The following C1orf21 variants were observed in gnomAD, a reference collection of about 807,000 sequenced individuals.
C1orf21 encodes the protein chromosome 1 open reading frame 21, also known as uncharacterized protein C1orf21.
C1orf21 carries 3 observed loss-of-function variants against 18.7 expected under a neutral mutation model. The observed-to-expected ratio is 0.16, with a 90% CI of 0.07 to 0.42. C1orf21 has a LOEUF of 0.42. Ranked by LOEUF, C1orf21 falls within the 10% of genes least tolerant of loss-of-function variation. The pLI, the probability that C1orf21 is intolerant of heterozygous loss-of-function variation, is 0.99. For synonymous variants in C1orf21, 41 were observed against 46.4 expected (o/e 0.88, Z 0.47); for missense variants, 104 against 143.6 (o/e 0.72, Z 1.41).
rs1313880082 is a variant in C1orf21 at position 184,598,733 on chromosome 1, G to A, written c.327+272G>A. ...AATAAGCAGTCTTTTTTTCTAGACC[G>A]AGCATTCTGACCACTGCATGTCATT... On this transcript the variant is annotated intron_variant, in intron 5 of 5. Coordinates refer to ENST00000235307, the MANE Select transcript of C1orf21 (RefSeq NM_030806.4). 3.3e-5 allele frequency among the ~76,000 whole-genome samples: 5 copies of A among 152,134 alleles called. No homozygotes were observed. In the East Asian group the frequency reaches 7.7e-4, roughly 24 times the overall value.
chr1:184,438,145 A>G (rs1040859579), intron 1 of C1orf21, among the ~76,000 whole-genome samples: 1 of 151,966 alleles, frequency 6.6e-6, no homozygotes, highest in Admixed American at 6.6e-5. Flanking sequence ...TCCTAGTGAA[A>G]GAAAAAAAAA....
chr1:184,555,574 T>C (rs1212444199), intron 3 of C1orf21, among the ~76,000 whole-genome samples: 1 of 151,924 alleles, frequency 6.6e-6, no homozygotes, highest in Non-Finnish European at 1.5e-5. Flanking sequence ...GTCACACACA[T>C]ATGCACAAAC....
At chr1:184,419,215 C>T (rs564202291) in intron 1 of C1orf21, among the ~76,000 whole-genome samples, 34 of 152,272 alleles carry the variant, frequency 2.2e-4, no homozygotes, top group African/African-American at 7.5e-4. Context: ...TCCTCTGTAA[C>T]ATTTGGATAA....
chr1:184,420,635 T>G (rs187360212), intron 1 of C1orf21, among the ~76,000 whole-genome samples: 143 of 152,306 alleles, frequency 9.4e-4, no homozygotes, highest in Non-Finnish European at 1.7e-3. Context: ...TCTCTCTACT[T>G]TACCTCTGCT....
At chr1:184,612,421 C>CA (rs776159042) in intron 5 of C1orf21, among the ~76,000 whole-genome samples, 67 of 152,160 alleles carry the variant, frequency 4.4e-4, no homozygotes, top group Non-Finnish European at 8.2e-4. Context: ...AAGCAAAAGA[C>CA]AGAGTTTAAG....
chr1:184,591,039 A>T (rs1286230942), intron 4 of C1orf21, among the ~76,000 whole-genome samples: 1 of 152,174 alleles, frequency 6.6e-6, no homozygotes, highest in African/African-American at 2.4e-5. Context: ...TAATCTAGAG[A>T]TGATTTAGAG....
intron 1 of C1orf21, among the ~76,000 whole-genome samples, chr1:184,436,560 C>T (rs1656861782): frequency 6.6e-6 from 1 of 151,956 alleles, no homozygotes; most frequent in Non-Finnish European, 1.5e-5. Context: ...CAACATGCTT[C>T]CCTAAAGGAG....
intron 3 of C1orf21, among the ~76,000 whole-genome samples, chr1:184,547,649 C>G (rs1658745002): frequency 6.6e-6 from 1 of 152,018 alleles, no homozygotes; most frequent in African/African-American, 2.4e-5. Flanking sequence ...AGAGTAAAGC[C>G]AAATGTGTTT....
chr1:184,484,966 C>A (rs1158710755), intron 2 of C1orf21, among the ~76,000 whole-genome samples: 1 of 150,856 alleles, frequency 6.6e-6, no homozygotes, highest in Admixed American at 6.6e-5. Flanking sequence ...TGCTGTGAGA[C>A]CTATTTCACA....
intron 1 of C1orf21, among the ~76,000 whole-genome samples, chr1:184,468,407 A>G (rs867341949): frequency 8.5e-5 from 13 of 152,256 alleles, no homozygotes; most frequent in Middle Eastern, 6.8e-3. Flanking sequence ...AGGAGGGGGA[A>G]AAAAGGAGGA....
rs1235356880 is a variant in C1orf21 at position 184,477,399 on chromosome 1, GACCA to G, written c.-108_-105del. ...CTTTTCTTGCAGGTGCACACATCTT[GACCA>G]ACTCAGCAGCAAGGTGGATTTTCTT... On this transcript the variant is annotated 5_prime_UTR_variant, in exon 2 of 6. Coordinates refer to ENST00000235307, the MANE Select transcript of C1orf21 (RefSeq NM_030806.4). 1.2e-6 allele frequency: 1 copy of G among 815,980 alleles called. No homozygotes were observed. Among genetic ancestry groups the G allele is most frequent in the Non-Finnish European group, 1.9e-6 (1 of 513,974 alleles). 50.5% of individuals were successfully genotyped at this position (815,980 alleles called of 1,614,324 possible).
intron 3 of C1orf21, among the ~76,000 whole-genome samples, chr1:184,570,886 A>G (rs116834190): frequency 0.011 from 1,609 of 152,322 alleles, 31 homozygotes; most frequent in African/African-American, 0.037. Flanking sequence ...GCTCTATGGT[A>G]TAGCCTGTTG....
intron 3 of C1orf21, among the ~76,000 whole-genome samples, chr1:184,524,772 C>T (rs115174682): frequency 1.8e-4 from 27 of 152,188 alleles, no homozygotes; most frequent in Non-Finnish European, 3.2e-4. Context: ...TAAAGAGGAG[C>T]ACCCTTCCTC....
intron 1 of C1orf21, among the ~76,000 whole-genome samples, chr1:184,425,867 T>C (rs538406131): frequency 1.3e-5 from 2 of 152,262 alleles, no homozygotes; most frequent in Non-Finnish European, 2.9e-5. Flanking sequence ...GTATTTGTTA[T>C]GTCCACACTT....
chr1:184,469,174 C>T (rs950533582), intron 1 of C1orf21, among the ~76,000 whole-genome samples: 1 of 152,116 alleles, frequency 6.6e-6, no homozygotes, highest in Non-Finnish European at 1.5e-5. Context: ...TGCTTGAACC[C>T]AGGAGGCAGA....
chr1:184,388,433 G>GA (rs1655920802), intron 1 of C1orf21, among the ~76,000 whole-genome samples: 1 of 152,152 alleles, frequency 6.6e-6, no homozygotes, highest in African/African-American at 2.4e-5. Flanking sequence ...GGTGGGTTAG[G>GA]AAAATTGTTT....
At chr1:184,436,394 A>T (rs1043178831) in intron 1 of C1orf21, among the ~76,000 whole-genome samples, 1 of 152,002 alleles carries the variant, frequency 6.6e-6, no homozygotes, top group Non-Finnish European at 1.5e-5. Context: ...TGGAGAGTGG[A>T]CGGTGTACCT....
At chr1:184,391,836 T>C (rs949848535) in intron 1 of C1orf21, among the ~76,000 whole-genome samples, 3 of 152,012 alleles carry the variant, frequency 2.0e-5, no homozygotes, top group African/African-American at 7.2e-5. Flanking sequence ...GCCTCCTGAG[T>C]AGCTGGGATT....
At chr1:184,570,233 G>A (rs1659090369) in intron 3 of C1orf21, among the ~76,000 whole-genome samples, 1 of 152,058 alleles carries the variant, frequency 6.6e-6, no homozygotes, top group Non-Finnish European at 1.5e-5. Context: ...AAGCTGCAGT[G>A]ATCTAAGTAG....
Sources: gnomAD v4.1 joint callset for allele counts (sites outside exome capture counted in the v4.1 genomes callset) on GRCh38, gnomAD v4.1.1 for gene constraint, MANE v1.5 for transcripts, NCBI Gene and HGNC (gene_info 2026-07-23, HGNC 2026-07-21) for gene names.